Variants in ADAMTSL4 observed in about 807,000 individuals in gnomAD.
The protein encoded by ADAMTSL4 is ADAMTS like 4, also known as ADAMTS-like protein 4.
A neutral mutation model predicts 122.8 loss-of-function variants in ADAMTSL4; 97 were observed. That is an observed-to-expected ratio of 0.79 (90% CI 0.67 to 0.93). ADAMTSL4 has a LOEUF of 0.93. Ranked by LOEUF, ADAMTSL4 falls within the 40% of genes least tolerant of loss-of-function variation. The pLI is 0.00. For missense variants in ADAMTSL4, 1,408 were observed against 1,453.5 expected, an observed-to-expected ratio of 0.97 and a Z score of 0.51; for synonymous variants, 592 against 568.0, an observed-to-expected ratio of 1.04 and a Z score of -0.60.
Position 150,553,930 on chromosome 1 carries a change from C to T in ADAMTSL4, c.939C>T (p.Gly313=), listed in dbSNP as rs6681639. 0.29 allele frequency: 458,772 copies of T among 1,609,696 alleles called. 68,332 individuals carry two copies. Among genetic ancestry groups the T allele is most frequent in the African/African-American group, 0.54 (40,081 of 74,896 alleles). Residue 313 remains glycine, a synonymous_variant, in exon 6 of 19, where the codon GGC becomes GGT. Coordinates refer to ENST00000271643, the MANE Select transcript of ADAMTSL4 (RefSeq NM_019032.6). ...PSVPRGRGQQ[G]QGPWGTGGTP... ...TCCCTCGGGGCCGAGGCCAGCAGGG[C>T]CAAGGGCCTTGGGGAACGGGGGGGA...
chr1:150,557,074 G>A, intron 11 of ADAMTSL4, 24 bp downstream of exon 11: 1 of 1,612,320 alleles, frequency 6.2e-7, no homozygotes, highest in African/African-American at 1.3e-5. Flanking sequence ...CCCTGCACTT[G>A]GAAGGAGGAG....
At chr1:150,557,786 G>C in intron 13 of ADAMTSL4, 159 bp from the exon 14 acceptor site, 3 of 1,304,650 alleles carry the variant, frequency 2.3e-6, no homozygotes, top group Non-Finnish European at 3.1e-6. Context: ...GAAAGCCATG[G>C]CAGGCTGAGC....
rs199762322 is a variant in ADAMTSL4, at chr1:150,558,081, C to G, written c.2314C>G (p.Pro772Ala). 4.3e-6 allele frequency: 7 copies of G among 1,613,102 alleles called. No homozygotes were observed. The highest frequency in any genetic ancestry group is 4.2e-6 in the Non-Finnish European group (5 of 1,180,020). Reference protein sequence around the residue: ...PPERCGHLPRPNITQSCQLRL... With the variant: ...PPERCGHLPRANITQSCQLRL... The stretch of plus-strand genomic sequence containing the variant: ...GGAGCGCTGTGGACATCTCCCCCGG[C>G]CCAACATCACCCAGTCTTGCCAGCT... Residue 772 changes from proline (P) to alanine (A), a missense_variant, in exon 14 of 19, where the codon CCC becomes GCC. Transcript: ENST00000271643.
Position 150,559,429 on chromosome 1 carries a change from C to T in ADAMTSL4, c.2906C>T (p.Ala969Val). 1 of 1,613,510 alleles carries T rather than the reference C, an allele frequency of 6.2e-7. No homozygotes were observed. The highest frequency in any genetic ancestry group is 2.2e-5 in the East Asian group (1 of 44,868). ...PPALQPCQGQ[A>V]CQDRWFSTPW... ...GCCCTGCAGCCCTGTCAAGGGCAGGCCTGCCAGGACCGATGGTTTTCCACG... is the reference window on the plus strand; with the variant it reads ...GCCCTGCAGCCCTGTCAAGGGCAGGTCTGCCAGGACCGATGGTTTTCCACG... Residue 969 changes from alanine (A) to valine (V), a missense_variant, in exon 17 of 19, where the codon GCC (alanine) becomes GTC (valine). Coordinates refer to ENST00000271643, the MANE Select transcript of ADAMTSL4 (RefSeq NM_019032.6). The surrounding 1 kb of genome is among the most constrained non-coding windows in gnomAD (Gnocchi z 4.1).
rs780743473 is a variant in ADAMTSL4, at chr1:150,555,467, C to T, written c.1273C>T (p.Arg425Cys). Residue 425 changes from arginine to cysteine, a missense_variant, in exon 8 of 19, where the codon CGT becomes TGT. Arg to Cys is a radical substitution (Grantham distance 180). Coordinates refer to ENST00000271643, the MANE Select transcript of ADAMTSL4 (RefSeq NM_019032.6). ...GCGCTGTGAACTGAACTGCCGGCCCCGTGGCTTCCGCTTCTATGTCCGTCA... is the reference window on the plus strand; with the variant it reads ...GCGCTGTGAACTGAACTGCCGGCCCTGTGGCTTCCGCTTCTATGTCCGTCA... ...SQRCELNCRP[R>C]GFRFYVRHTE... The T allele has an allele frequency of 1.1e-5, 17 of 1,614,036 alleles. No individual in the cohort carries two copies. Among genetic ancestry groups the T allele is most frequent in the East Asian group, 6.7e-5 (3 of 44,888 alleles).
In ADAMTSL4 at chr1:150,552,765, T is replaced by C; in HGVS notation, c.79-133T>C. ...CTCATAACACCAAGAGGCCGAGGTGTAGTTCTCCCTCTGCTGCTGAATGTG... is the reference window on the plus strand; with the variant it reads ...CTCATAACACCAAGAGGCCGAGGTGCAGTTCTCCCTCTGCTGCTGAATGTG... On this transcript the variant is annotated intron_variant, in intron 4 of 18. Transcript: ENST00000271643. The surrounding 1 kb of genome is among the most constrained non-coding windows in gnomAD (Gnocchi z 4.0). 2 of 1,281,908 alleles carry C rather than the reference T, an allele frequency of 1.6e-6. No homozygotes were observed. The highest frequency in any genetic ancestry group is 2.2e-6 in the Non-Finnish European group (2 of 896,560). The allele number at this position is 1,281,908 out of a possible 1,614,324, so 79.4% of individuals were successfully genotyped here.
rs780349433 is a variant in ADAMTSL4 at position 150,553,257 on chromosome 1, A to G, written c.434+4A>G. Reference sequence around the variant, plus strand: ...AGGAGATTCGAGCGGCCAGGAGGTGAGAGGCCTGGGTGGAAGAGGTGGGCC... The same window carrying G: ...AGGAGATTCGAGCGGCCAGGAGGTGGGAGGCCTGGGTGGAAGAGGTGGGCC... On this transcript the variant is annotated splice_donor_region_variant and intron_variant, in intron 5 of 18. Coordinates refer to ENST00000271643, the MANE Select transcript of ADAMTSL4 (RefSeq NM_019032.6). 4.3e-6 allele frequency: 7 copies of G among 1,610,246 alleles called. No individual in the cohort carries two copies. Among genetic ancestry groups the G allele is most frequent in the African/African-American group, 1.3e-5 (1 of 74,760 alleles).
At position 150,558,467 on chromosome 1, in the gene ADAMTSL4, C is replaced by G; in HGVS notation, c.2383-6C>G. The G allele has an allele frequency of 6.2e-7, 1 of 1,613,410 alleles. No homozygotes were observed. Among genetic ancestry groups the G allele is most frequent in the Non-Finnish European group, 8.5e-7 (1 of 1,179,962 alleles). On this transcript the variant is annotated splice_polypyrimidine_tract_variant and splice_region_variant and intron_variant, in intron 14 of 18. Coordinates refer to ENST00000271643, the MANE Select transcript of ADAMTSL4 (RefSeq NM_019032.6). ...CCAGCTCCCTGGATTCCCCTCGCCCCCTCAGTGCTCCGTGCGGTGCGGCCG... is the reference window on the plus strand; with the variant it reads ...CCAGCTCCCTGGATTCCCCTCGCCCGCTCAGTGCTCCGTGCGGTGCGGCCG...
At position 150,557,632 on chromosome 1, in the gene ADAMTSL4, G is replaced by C; in HGVS notation, c.2177+9G>C. 1 of 1,598,382 alleles carries C rather than the reference G, an allele frequency of 6.3e-7. No individual in the cohort carries two copies. The highest frequency in any genetic ancestry group is 8.5e-7 in the Non-Finnish European group (1 of 1,172,814). On this transcript the variant is annotated intron_variant, in intron 13 of 18. Coordinates refer to ENST00000271643, the MANE Select transcript of ADAMTSL4 (RefSeq NM_019032.6). ...ACCCCATGCCCCCCATAGTGAGTAT[G>C]GGGGAGCCCACGGGGAGGGTTAGGG...
intron 2 of ADAMTSL4, chr1:150,550,561 C>T (rs950762759): frequency 3.0e-5 from 11 of 371,236 alleles, no homozygotes; most frequent in Admixed American, 7.0e-5. Context: ...GAAGAGGGGT[C>T]GGCATCAGAG....
In ADAMTSL4 at chr1:150,556,626, C is replaced by T. The variant is rs772097188; in HGVS notation, c.1582C>T (p.Arg528Cys). 2.2e-5 allele frequency: 35 copies of T among 1,613,894 alleles called. No individual in the cohort carries two copies. The Middle Eastern group carries it at 1.3e-3, about 61-fold the overall frequency. Residue 528 changes from arginine to cysteine, a missense_variant, in exon 10 of 19, where the codon CGT becomes TGT. Arg to Cys is a radical substitution (Grantham distance 180). Coordinates refer to ENST00000271643, the MANE Select transcript of ADAMTSL4 (RefSeq NM_019032.6). This position sits in a 1 kb window ranked among gnomAD's most constrained non-coding sequence, Gnocchi z 4.1. The part of the protein sequence containing the change: ...LRPSSNYLAL[R>C]GPGGRSIING... ...CTCTCACCTCTGACCCGCAGCACTT[C>T]GTGGCCCTGGGGGCCGGTCCATCAT...
Position 150,558,938 on chromosome 1 carries a change from A to C in ADAMTSL4, c.2560-24A>C, listed in dbSNP as rs148567587. The stretch of plus-strand genomic sequence containing the variant: ...TGCCAGTCACCAGCAGGCCCCTCAC[A>C]CAGGCCGCTCTCCTCCTCCGCAGTG... On this transcript the variant is annotated intron_variant, in intron 15 of 18. Transcript: ENST00000271643. The C allele has an allele frequency of 2.9e-3, 4,614 of 1,584,956 alleles. 121 individuals are homozygous for C. In the African/African-American group the frequency reaches 0.054, roughly 18 times the overall value.
At chr1:150,558,906 T>A in intron 15 of ADAMTSL4, 56 bp from the exon 16 acceptor site, 1 of 1,554,766 alleles carries the variant, frequency 6.4e-7, no homozygotes, top group Non-Finnish European at 8.7e-7. Context: ...CCCCCTACTG[T>A]CCCTTGTGCC....
intron 8 of ADAMTSL4, chr1:150,555,858 T>G: frequency 1.7e-6 from 1 of 603,566 alleles, no homozygotes; most frequent in East Asian, 2.8e-5. Context: ...TAGACACACA[T>G]GCATGAACAC....
In ADAMTSL4 at chr1:150,552,598, G is replaced by A; in HGVS notation, c.76G>A (p.Glu26Lys). ...CCTCCCTCAGCTCTGCTTGGATCAG[G>A]AGGTGAGTTCTGGACAAGTGAGCAG... Reference protein sequence around the residue: ...LSLPQLCLDQEVLSGHSLQTP... With the variant: ...LSLPQLCLDQKVLSGHSLQTP... The change falls in exon 4 of 19, where the codon GAG (glutamate) becomes AAG (lysine). Residue 26 changes from glutamate (E) to lysine (K), a missense_variant and splice_region_variant. Physicochemically the swap from Glu to Lys is moderately conservative, Grantham distance 56. Coordinates refer to ENST00000271643, the MANE Select transcript of ADAMTSL4 (RefSeq NM_019032.6). The surrounding 1 kb of genome is among the most constrained non-coding windows in gnomAD (Gnocchi z 4.0). 6.2e-7 allele frequency: 1 copy of A among 1,613,678 alleles called. No homozygotes were observed. The highest frequency in any genetic ancestry group is 8.5e-7 in the Non-Finnish European group (1 of 1,179,932).
Position 150,559,129 on chromosome 1 carries a change from G to A in ADAMTSL4, c.2727G>A (p.Glu909=), listed in dbSNP as rs771178101. 1.9e-6 allele frequency: 3 copies of A among 1,612,946 alleles called. No homozygotes were observed. The highest frequency in any genetic ancestry group is 4.5e-5 in the East Asian group (2 of 44,866). Residue 909 remains glutamate, a synonymous_variant, in exon 16 of 19, where the codon GAG becomes GAA. Transcript: ENST00000271643. The surrounding 1 kb of genome is among the most constrained non-coding windows in gnomAD (Gnocchi z 4.1). ...GCGCCTGCAGCCTGGGGCCCTGTGA[G>A]AGAACTTGGCGCTGGTACACAGGGC... The part of the protein sequence containing the change: ...DMRACSLGPC[E]RTWRWYTGPW...
chr1:150,552,345 G>T lies in ADAMTSL4; in HGVS notation c.20+37G>T. On this transcript the variant is annotated intron_variant, in intron 3 of 18. Coordinates refer to ENST00000271643, the MANE Select transcript of ADAMTSL4 (RefSeq NM_019032.6). This position sits in a 1 kb window ranked among gnomAD's most constrained non-coding sequence, Gnocchi z 4.0. ...GGCCACGGGTTGGGGGGGAGGAAAA[G>T]GGGAGGTGCTGGGATGGCTCTGTGT... 2.6e-6 allele frequency: 4 copies of T among 1,552,512 alleles called. No homozygotes were observed. Among genetic ancestry groups the T allele is most frequent in the Non-Finnish European group, 3.5e-6 (4 of 1,145,950 alleles).
chr1:150,555,465 C>T lies in ADAMTSL4; in HGVS notation c.1271C>T (p.Pro424Leu). Reference protein sequence around the residue: ...GSQRCELNCRPRGFRFYVRHT... With the variant: ...GSQRCELNCRLRGFRFYVRHT... ...CAGCGCTGTGAACTGAACTGCCGGC[C>T]CCGTGGCTTCCGCTTCTATGTCCGT... The change falls in exon 8 of 19, where the codon CCC becomes CTC. Residue 424 changes from proline (P) to leucine (L), a missense_variant. By Grantham distance (98) the Pro-to-Leu change is moderately conservative. Coordinates refer to ENST00000271643, the MANE Select transcript of ADAMTSL4 (RefSeq NM_019032.6). The T allele has an allele frequency of 6.2e-7, 1 of 1,614,164 alleles. No homozygotes were observed. The highest frequency in any genetic ancestry group is 8.5e-7 in the Non-Finnish European group (1 of 1,180,022).
Position 150,556,173 on chromosome 1 carries a change from T to A in ADAMTSL4, c.1383T>A (p.Cys461Ter). The A allele has an allele frequency of 6.2e-7, 1 of 1,614,144 alleles. No homozygotes were observed. Residue 461 changes from cysteine (C) to a stop codon, truncating the protein, a stop_gained, in exon 9 of 19, where the codon TGT becomes TGA. Coordinates refer to ENST00000271643, the MANE Select transcript of ADAMTSL4 (RefSeq NM_019032.6). LOFTEE classifies it high-confidence loss of function. The surrounding 1 kb of genome is among the most constrained non-coding windows in gnomAD (Gnocchi z 4.1). Reference sequence around the variant, plus strand: ...CTCACTCTCTCCAGAGCCCCGGCTGTGATGGGATCCTTGGCTCTGGCAGGC... The same window carrying A: ...CTCACTCTCTCCAGAGCCCCGGCTGAGATGGGATCCTTGGCTCTGGCAGGC... ...CVAGRCLSPG[C>*]DGILGSGRRP...
Sources: gnomAD v4.1 joint callset for allele counts on GRCh38, gnomAD v4.1.1 for gene constraint, Gnocchi (gnomAD v3.1) non-coding constraint, MANE v1.5 for transcripts, NCBI Gene and HGNC (gene_info 2026-07-23, HGNC 2026-07-21) for gene names.